The following TUB variants were observed in gnomAD, a reference collection of about 807,000 sequenced individuals.
The protein encoded by TUB is TUB bipartite transcription factor.
Under a neutral mutation model 59.7 loss-of-function variants are expected in TUB, and 33 were observed. The ratio of observed to expected loss-of-function variants is 0.55; its 90% confidence interval spans 0.42 to 0.74. The LOEUF is 0.74. Ranked by LOEUF, TUB falls within the 30% of genes least tolerant of loss-of-function variation. The probability of loss-of-function intolerance (pLI) is 0.00; values close to 1 mark genes in which losing one functional copy is unlikely to be tolerated. For synonymous variants in TUB, 293 were observed against 256.4 expected (o/e 1.14, Z -1.36); for missense variants, 659 against 672.0 (o/e 0.98, Z 0.21).
At chr11:8,092,117 T>A (rs1289821041) in intron 3 of TUB, among the ~76,000 whole-genome samples, 1 of 152,184 alleles carries the variant, frequency 6.6e-6, no homozygotes, top group East Asian at 1.9e-4. Context: ...GTGGTACAAC[T>A]AGCGCCTCTG....
At chr11:8,043,286 A>T (rs140557156) in intron 2 of TUB, among the ~76,000 whole-genome samples, 111 of 152,288 alleles carry the variant, frequency 7.3e-4, no homozygotes, top group African/African-American at 2.5e-3. Context: ...GCTTTGACCT[A>T]TATGTCTATC....
intron 3 of TUB, among the ~76,000 whole-genome samples, chr11:8,091,017 A>C (rs1193908002): frequency 1.3e-5 from 2 of 152,112 alleles, no homozygotes; most frequent in Admixed American, 6.5e-5. Context: ...AATTCTAAAA[A>C]GGTTGCAGGC....
At chr11:8,095,347 T>C (rs1010595533) in intron 4 of TUB, 151 bp from the exon 5 acceptor site, 96 of 720,526 alleles carry the variant, frequency 1.3e-4, no homozygotes, top group Non-Finnish European at 3.4e-5. Context: ...AACAGGCTGG[T>C]GCAATCATTA....
intron 1 of TUB, among the ~76,000 whole-genome samples, chr11:8,022,728 A>G (rs1942447766): frequency 1.3e-5 from 2 of 152,128 alleles, no homozygotes; most frequent in African/African-American, 4.8e-5. Context: ...TGTCTCTACT[A>G]AAAATACAAA....
intron 2 of TUB, among the ~76,000 whole-genome samples, chr11:8,052,465 CTTTTT>C (rs11290658): frequency 1.2e-5 from 1 of 85,306 alleles, no homozygotes; most frequent in African/African-American, 4.9e-5. Context: ...TGAATAGGAC[CTTTTT>C]TTTTTTTTTT....
chr11:8,027,251 C>G (rs962971413), intron 1 of TUB, among the ~76,000 whole-genome samples: 1 of 152,162 alleles, frequency 6.6e-6, no homozygotes, highest in East Asian at 1.9e-4. Flanking sequence ...AAACTCTCTA[C>G]CCATTAAGAA....
Position 8,095,675 on chromosome 11 carries a change from A to G in TUB, c.565+10A>G. The G allele has an allele frequency of 6.3e-7, 1 of 1,584,772 alleles. No homozygotes were observed. The highest frequency in any genetic ancestry group is 8.6e-7 in the Non-Finnish European group (1 of 1,165,372). ...ACGATGCAGAGGAAGGGTGAGCCCCATGGGGACCCAGTGATACCCCCAAAA... is the reference window on the plus strand; with the variant it reads ...ACGATGCAGAGGAAGGGTGAGCCCCGTGGGGACCCAGTGATACCCCCAAAA... On this transcript the variant is annotated intron_variant, in intron 5 of 11. Coordinates refer to ENST00000299506, the MANE Select transcript of TUB (RefSeq NM_177972.3).
In TUB at chr11:8,101,877, C is replaced by A; in HGVS notation, c.*258C>A. ...CCATGCCACGAGATCAACACACACT[C>A]CCACCCTTGGGGTAGTAGTGTGTTG... On this transcript the variant is annotated 3_prime_UTR_variant, in exon 12 of 12. Transcript: ENST00000299506. 2 of 522,346 alleles carry A rather than the reference C, an allele frequency of 3.8e-6. No homozygotes were observed. The highest frequency in any genetic ancestry group is 4.8e-5 in the South Asian group (2 of 41,630). 32.4% of individuals were successfully genotyped at this position (522,346 alleles called of 1,614,324 possible). A position where few individuals can be genotyped will look rare whatever the true frequency, so the allele number is the denominator to read the frequency against.
chr11:8,101,711 G>A lies in TUB; in HGVS notation c.*92G>A. The A allele has an allele frequency of 6.7e-7, 1 of 1,499,252 alleles. No individual in the cohort carries two copies. Among genetic ancestry groups the A allele is most frequent in the Non-Finnish European group, 8.9e-7 (1 of 1,122,604 alleles). 92.9% of individuals were successfully genotyped at this position (1,499,252 alleles called of 1,614,324 possible). ...AGCCCTGCCTATCCTCTGTATATAGGCCTTCCGCCAGATGAAGCTTTGGCC... is the reference window on the plus strand; with the variant it reads ...AGCCCTGCCTATCCTCTGTATATAGACCTTCCGCCAGATGAAGCTTTGGCC... On this transcript the variant is annotated 3_prime_UTR_variant, in exon 12 of 12. Transcript: ENST00000299506.
chr11:8,074,448 C>T (rs942489760), intron 2 of TUB, among the ~76,000 whole-genome samples: 1 of 152,098 alleles, frequency 6.6e-6, no homozygotes. Flanking sequence ...ATTAAAAATT[C>T]TCTATAAGGC....
intron 2 of TUB, among the ~76,000 whole-genome samples, chr11:8,047,579 G>A (rs79687021): frequency 2.4e-3 from 361 of 152,320 alleles, no homozygotes; most frequent in African/African-American, 7.8e-3. Flanking sequence ...ATAGCAGAAG[G>A]GCTCTGTGCA....
At chr11:8,027,816 G>A (rs1258211303) in intron 1 of TUB, among the ~76,000 whole-genome samples, 4 of 152,184 alleles carry the variant, frequency 2.6e-5, no homozygotes, top group Non-Finnish European at 4.4e-5. Flanking sequence ...TGCACAGCCA[G>A]CATTTTGTTT....
intron 1 of TUB, among the ~76,000 whole-genome samples, chr11:8,028,031 A>C (rs978003009): frequency 2.6e-5 from 4 of 152,228 alleles, no homozygotes; most frequent in African/African-American, 9.6e-5. Flanking sequence ...TTTTCTACAA[A>C]GACTGCACCA....
chr11:8,026,072 G>A (rs1018231660), intron 1 of TUB, among the ~76,000 whole-genome samples: 1 of 152,170 alleles, frequency 6.6e-6, no homozygotes, highest in African/African-American at 2.4e-5. Context: ...ATGATGTCGA[G>A]CATCTTTTCA....
chr11:8,059,269 T>C (rs762697056), intron 2 of TUB, among the ~76,000 whole-genome samples: 3 of 152,088 alleles, frequency 2.0e-5, no homozygotes, highest in Non-Finnish European at 4.4e-5. Context: ...GAAGAAGACG[T>C]GGTCACTGCC....
At chr11:8,038,420 C>A (rs2133726108), upstream of TUB, among the ~76,000 whole-genome samples, 1 of 152,216 alleles carries the variant, frequency 6.6e-6, no homozygotes, top group African/African-American at 2.4e-5. Flanking sequence ...TGTGCCCCTC[C>A]CAGCACACAG....
chr11:8,101,687 G>T lies in TUB; in HGVS notation c.*68G>T. On this transcript the variant is annotated 3_prime_UTR_variant, in exon 12 of 12. Coordinates refer to ENST00000299506, the MANE Select transcript of TUB (RefSeq NM_177972.3). ...GCTTGCCTGCCTGCCTGTGGAGACA[G>T]CCCTGCCTATCCTCTGTATATAGGC... The T allele has an allele frequency of 6.3e-7, 1 of 1,579,454 alleles. No individual in the cohort carries two copies. The highest frequency in any genetic ancestry group is 8.6e-7 in the Non-Finnish European group (1 of 1,163,654).
At chr11:8,023,588 C>T (rs1019035149) in intron 1 of TUB, among the ~76,000 whole-genome samples, 1 of 152,194 alleles carries the variant, frequency 6.6e-6, no homozygotes, top group Non-Finnish European at 1.5e-5. Context: ...TGCCTGTAGA[C>T]GTCTCCATCT....
In TUB at chr11:8,049,578, T is replaced by TATAGATAGATAG. The variant is rs1554923442; in HGVS notation, c.203+9902_203+9913dup. On this transcript the variant is annotated intron_variant, in intron 2 of 12. Coordinates refer to the TUB transcript ENST00000305253. ...ATTATGTGGTATATATATATATATA[T>TATAGATAGATAG]ATAGATAGATAGATAGATAGATAGA... Among the ~76,000 whole-genome samples, 27 of 85,926 alleles carry TATAGATAGATAG rather than the reference T, an allele frequency of 3.1e-4. 1 individual carries two copies. Among genetic ancestry groups the TATAGATAGATAG allele is most frequent in the Middle Eastern group, 7.6e-3 (1 of 132 alleles). The allele number at this position is 85,926 out of a possible 152,430, so 56.4% of individuals were successfully genotyped here. A position where few individuals can be genotyped will look rare whatever the true frequency, so the allele number is the denominator to read the frequency against.
Sources: allele counts gnomAD v4.1 joint callset (sites outside exome capture counted in the v4.1 genomes callset), GRCh38; gene constraint gnomAD v4.1.1; transcripts MANE v1.5; gene names NCBI Gene and HGNC (gene_info 2026-07-23, HGNC 2026-07-21).